SLK: variants seen among roughly 807,000 people sequenced by gnomAD.
SLK encodes STE20-like serine/threonine-protein kinase.
Under a neutral mutation model 147.7 loss-of-function variants are expected in SLK, and 67 were observed. The ratio of observed to expected loss-of-function variants is 0.45; its 90% CI spans 0.37 to 0.56. SLK has a LOEUF of 0.56. Ranked by LOEUF, SLK falls within the 20% of genes least tolerant of loss-of-function variation. The probability of loss-of-function intolerance (pLI) is 0.00; values close to 1 mark genes in which losing one functional copy is unlikely to be tolerated. For missense variants in SLK, 1,136 were observed against 1,438.8 expected, an observed-to-expected ratio of 0.79 and a Z score of 3.41; for synonymous variants, 441 against 475.0, an observed-to-expected ratio of 0.93 and a Z score of 0.93.
chr10:103,979,141 G>C (rs1843908829), intron 1 of SLK, among the ~76,000 whole-genome samples: 1 of 152,108 alleles, frequency 6.6e-6, no homozygotes. Context: ...TCAGCCTCTG[G>C]AGTAGCTGGG....
At chr10:103,974,614 CAAAAAAAAAA>C (rs1175099184) in intron 1 of SLK, 2 of 1,030 alleles carry the variant, frequency 1.9e-3, no homozygotes, top group Admixed American at 0.014. Flanking sequence ...GACTCCGTCT[CAAAAAAAAAA>C]AAAAAAAAAA....
chr10:103,995,351 G>GT (rs1844153389), intron 4 of SLK, among the ~76,000 whole-genome samples: 2 of 147,198 alleles, frequency 1.4e-5, no homozygotes, highest in Admixed American at 1.4e-4. Flanking sequence ...GTTCTGAGAT[G>GT]TTTCAGGCTC....
intron 1 of SLK, among the ~76,000 whole-genome samples, chr10:103,984,526 GC>G (rs966284723): frequency 7.9e-5 from 12 of 152,198 alleles, no homozygotes; most frequent in Non-Finnish European, 1.5e-4. Context: ...TGATTCTTGT[GC>G]CTGAGCCTCC....
At chr10:103,968,611 C>T (rs545781844) in intron 1 of SLK, among the ~76,000 whole-genome samples, 1 of 152,280 alleles carries the variant, frequency 6.6e-6, no homozygotes, top group South Asian at 2.1e-4. Flanking sequence ...TTAATATCTC[C>T]TAAGGAACAT....
At chr10:103,972,496 C>T (rs909819127) in intron 1 of SLK, among the ~76,000 whole-genome samples, 2 of 152,026 alleles carry the variant, frequency 1.3e-5, no homozygotes, top group Non-Finnish European at 2.9e-5. Flanking sequence ...CACGGTGAAA[C>T]CCCGTCTCTA....
intron 12 of SLK, among the ~76,000 whole-genome samples, chr10:104,009,216 T>C (rs545667232): frequency 6.6e-6 from 1 of 152,214 alleles, no homozygotes; most frequent in South Asian, 2.1e-4. Context: ...TTTCATGATA[T>C]AAAAGACACC....
At chr10:103,989,978 A>G (rs144192536) in intron 1 of SLK, among the ~76,000 whole-genome samples, 466 of 152,370 alleles carry the variant, frequency 3.1e-3, no homozygotes, top group Middle Eastern at 6.8e-3. Context: ...TGGTATAACT[A>G]GACAATAGAA....
chr10:103,990,754 T>C lies in SLK; in HGVS notation c.230T>C (p.Met77Thr). 6.4e-7 allele frequency: 1 copy of C among 1,572,846 alleles called. No homozygotes were observed. Among genetic ancestry groups the C allele is most frequent in the Non-Finnish European group, 8.6e-7 (1 of 1,161,942 alleles). ...TKSEEELEDY[M>T]VEIDILASCD... ...TCTGAAGAAGAACTTGAAGATTACA[T>C]GGTAGAGATTGACATATTAGCATCT... The change falls in exon 2 of 19, where the codon ATG becomes ACG. Residue 77 changes from methionine to threonine, a missense_variant. Met to Thr is a moderately conservative substitution (Grantham distance 81, BLOSUM62 -1). Transcript: ENST00000369755.
In SLK at chr10:103,982,236, A is replaced by G. The variant is rs1045867039; in HGVS notation, c.151-8439A>G. ...TTCATCTTTTCCAACTATGCAATCT[A>G]TGCACATTTCCTCAGCTTCTTTATT... is the stretch of plus-strand genomic sequence containing the variant. On this transcript the variant is annotated intron_variant, in intron 1 of 18. Transcript: ENST00000369755. 2.0e-5 allele frequency among the ~76,000 whole-genome samples: 3 copies of G among 152,196 alleles called. No individual in the cohort carries two copies. In the East Asian group the frequency reaches 5.8e-4, roughly 29 times the overall value.
At chr10:103,999,656 G>A (rs1326454095) in intron 6 of SLK, among the ~76,000 whole-genome samples, 2 of 152,120 alleles carry the variant, frequency 1.3e-5, no homozygotes, top group Non-Finnish European at 2.9e-5. Flanking sequence ...GGCTGTCTCA[G>A]TGATTATGTA....
chr10:103,990,155 A>C (rs893819258), intron 1 of SLK, among the ~76,000 whole-genome samples: 1 of 152,218 alleles, frequency 6.6e-6, no homozygotes, highest in Admixed American at 6.5e-5. Context: ...GGATGCAGTA[A>C]AAAGATCAGT....
At chr10:103,978,977 TA>T (rs1843905734) in intron 1 of SLK, among the ~76,000 whole-genome samples, 1 of 150,586 alleles carries the variant, frequency 6.6e-6, no homozygotes, top group Admixed American at 6.7e-5. Flanking sequence ...ATCTCAATTT[TA>T]AAGAAATGTA....
chr10:103,996,984 A>C (rs1289740918), intron 4 of SLK, among the ~76,000 whole-genome samples: 6 of 152,106 alleles, frequency 3.9e-5, no homozygotes, highest in Non-Finnish European at 7.4e-5. Flanking sequence ...TATTAAGTAC[A>C]TTCCCATTAT....
chr10:104,002,049 TA>T (rs1844255592), intron 8 of SLK, 122 bp from the exon 9 acceptor site: 9 of 782,624 alleles, frequency 1.1e-5, no homozygotes, highest in Non-Finnish European at 1.6e-5. Flanking sequence ...GAAGAATTGT[TA>T]ATTCTTTAAA....
intron 2 of SLK, among the ~76,000 whole-genome samples, chr10:103,991,873 A>C (rs1844098023): frequency 6.6e-6 from 1 of 152,068 alleles, no homozygotes; most frequent in Admixed American, 6.5e-5. Context: ...TTATAATGCA[A>C]ATGAACCCAT....
At chr10:103,968,517 A>G (rs980390344) in intron 1 of SLK, among the ~76,000 whole-genome samples, 1 of 152,238 alleles carries the variant, frequency 6.6e-6, no homozygotes, top group Non-Finnish European at 1.5e-5. Context: ...ATCAGCGCTT[A>G]AGCAGTTAAA....
intron 1 of SLK, among the ~76,000 whole-genome samples, chr10:103,974,093 G>A (rs575481450): frequency 3.3e-5 from 5 of 151,908 alleles, no homozygotes; most frequent in Admixed American, 6.6e-5. Context: ...TTCTTCTTTC[G>A]TTTTGCTGTG....
At chr10:103,981,841 A>G (rs1278499620) in intron 1 of SLK, among the ~76,000 whole-genome samples, 1 of 152,108 alleles carries the variant, frequency 6.6e-6, no homozygotes, top group Admixed American at 6.6e-5. Flanking sequence ...GAATTTTGGG[A>G]TAGGGTTTTC....
chr10:103,990,895 G>C, intron 2 of SLK, 56 bp downstream of exon 2: 1 of 1,101,826 alleles, frequency 9.1e-7, no homozygotes, highest in Non-Finnish European at 1.2e-6. Context: ...TTGTCCTAAA[G>C]AGATGTTTAT....
Sources: allele counts gnomAD v4.1 joint callset (sites outside exome capture counted in the v4.1 genomes callset), GRCh38; gene constraint gnomAD v4.1.1; transcripts MANE v1.5; gene names NCBI Gene and HGNC (gene_info 2026-07-23, HGNC 2026-07-21).